The following CTNNA2 variants were observed in gnomAD, a reference collection of about 807,000 sequenced individuals.
CTNNA2 encodes catenin alpha 2.
In CTNNA2, 42 loss-of-function variants were observed where a neutral mutation model predicts 101.0. The observed-to-expected ratio is 0.42, with a 90% confidence interval of 0.32 to 0.54. The LOEUF is 0.54. Among genes scored for constraint, CTNNA2 ranks in the 20% least tolerant of loss-of-function variants. The pLI is 0.14. For synonymous variants in CTNNA2, 450 were observed against 456.4 expected (o/e 0.99, Z 0.18); for missense variants, 871 against 1,223.1 (o/e 0.71, Z 4.29).
chr2:80,263,662 C>T (rs1573543194), intron 7 of CTNNA2, among the ~76,000 whole-genome samples: 1 of 152,210 alleles, frequency 6.6e-6, no homozygotes. Flanking sequence ...AATTCAGTTC[C>T]TTAGCCACTC....
At chr2:80,178,811 C>T (rs1346469943) in intron 7 of CTNNA2, among the ~76,000 whole-genome samples, 2 of 152,230 alleles carry the variant, frequency 1.3e-5, no homozygotes, top group African/African-American at 2.4e-5. Context: ...TTGATAGGCC[C>T]CACAACACTG....
chr2:80,600,043 A>T (rs1299470714), intron 15 of CTNNA2, among the ~76,000 whole-genome samples: 1 of 151,238 alleles, frequency 6.6e-6, no homozygotes, highest in Non-Finnish European at 1.5e-5. Flanking sequence ...TATATTTTAT[A>T]GTAATACATT....
At chr2:80,332,782 G>A (rs1184347125) in intron 7 of CTNNA2, among the ~76,000 whole-genome samples, 1 of 152,094 alleles carries the variant, frequency 6.6e-6, no homozygotes, top group Non-Finnish European at 1.5e-5. Flanking sequence ...TTGGAAAAAT[G>A]TATGATAAGA....
intron 7 of CTNNA2, among the ~76,000 whole-genome samples, chr2:80,292,814 C>T (rs1031535380): frequency 6.6e-6 from 1 of 152,176 alleles, no homozygotes; most frequent in Non-Finnish European, 1.5e-5. Flanking sequence ...GCAATATAAT[C>T]GGAAGTTAAA....
At chr2:79,187,289 A>ATTTTTT (rs1673793752) in intron 1 of CTNNA2, among the ~76,000 whole-genome samples, 1 of 44,460 alleles carries the variant, frequency 2.2e-5, no homozygotes, top group Non-Finnish European at 4.0e-5. Flanking sequence ...TTTTTTTTTG[A>ATTTTTT]GACAGAGTCT....
intron 7 of CTNNA2, among the ~76,000 whole-genome samples, chr2:80,281,920 G>C (rs1488332220): frequency 6.6e-6 from 1 of 151,312 alleles, no homozygotes; most frequent in Admixed American, 6.6e-5. Context: ...TGCTAAAGTT[G>C]GAAGATAATA....
chr2:80,070,256 C>T (rs966527059), intron 7 of CTNNA2, among the ~76,000 whole-genome samples: 14 of 152,202 alleles, frequency 9.2e-5, no homozygotes, highest in African/African-American at 3.1e-4. Flanking sequence ...TTACAATAAG[C>T]GGGATGATGC....
intron 2 of CTNNA2, among the ~76,000 whole-genome samples, chr2:79,212,379 A>C (rs972891188): frequency 2.0e-5 from 3 of 152,208 alleles, no homozygotes; most frequent in Non-Finnish European, 4.4e-5. Context: ...GCGTCTATAC[A>C]GGAGCTCAAA....
intron 12 of CTNNA2, among the ~76,000 whole-genome samples, chr2:80,570,661 C>A (rs1410924614): frequency 6.6e-6 from 1 of 152,146 alleles, no homozygotes; most frequent in Non-Finnish European, 1.5e-5. Context: ...CTCAATTGCA[C>A]TCTGAGCCTC....
intron 7 of CTNNA2, among the ~76,000 whole-genome samples, chr2:80,148,659 GT>G (rs1703501720): frequency 6.6e-6 from 1 of 152,298 alleles, no homozygotes; most frequent in Admixed American, 6.5e-5. Context: ...CTGAATTTCA[GT>G]TTTATTTCTC....
At chr2:80,374,676 TGC>T (rs1393835202) in intron 7 of CTNNA2, among the ~76,000 whole-genome samples, 56 of 132,112 alleles carry the variant, frequency 4.2e-4, no homozygotes, top group African/African-American at 1.9e-3. Flanking sequence ...TCTGCGTGCG[TGC>T]GTGCGTGTGT....
chr2:79,586,536 T>TTA, intron 1 of CTNNA2, among the ~76,000 whole-genome samples: 1 of 151,654 alleles, frequency 6.6e-6, no homozygotes, highest in Non-Finnish European at 1.5e-5. Flanking sequence ...TCTTTTTTTT[T>TTA]AGCACTTTTT....
chr2:79,589,227 T>C (rs1374586850), intron 1 of CTNNA2, among the ~76,000 whole-genome samples: 1 of 152,170 alleles, frequency 6.6e-6, no homozygotes, highest in Non-Finnish European at 1.5e-5. Context: ...GCCAAGGCAG[T>C]CCACCAGAAG....
At chr2:79,332,808 C>G (rs1370509757) in intron 3 of CTNNA2, among the ~76,000 whole-genome samples, 1 of 152,094 alleles carries the variant, frequency 6.6e-6, no homozygotes, top group Non-Finnish European at 1.5e-5. Context: ...TAGTATAGAT[C>G]CTGGACTGTG....
At chr2:79,850,985 A>G (rs1024323458) in intron 3 of CTNNA2, among the ~76,000 whole-genome samples, 1 of 152,214 alleles carries the variant, frequency 6.6e-6, no homozygotes, top group Non-Finnish European at 1.5e-5. Context: ...GAACCATCCC[A>G]GAAGAAGACA....
intron 5 of CTNNA2, among the ~76,000 whole-genome samples, chr2:79,870,882 C>T (rs889517425): frequency 3.3e-5 from 5 of 152,100 alleles, no homozygotes; most frequent in Non-Finnish European, 5.9e-5. Flanking sequence ...ATAGGTCCCT[C>T]CCTCCACATG....
intron 4 of CTNNA2, among the ~76,000 whole-genome samples, chr2:79,430,449 C>A (rs1678647763): frequency 6.6e-6 from 1 of 152,010 alleles, no homozygotes; most frequent in African/African-American, 2.4e-5. Context: ...TAAGAGCAGG[C>A]AAATGTAGCT....
intron 17 of CTNNA2, chr2:80,616,592 A>G (rs1469448512): frequency 6.6e-6 from 1 of 151,296 alleles, no homozygotes; most frequent in Non-Finnish European, 1.5e-5. Flanking sequence ...TACCGTGACT[A>G]TAATAATGGA....
intron 3 of CTNNA2, among the ~76,000 whole-genome samples, chr2:79,784,134 C>G (rs944902540): frequency 1.3e-5 from 2 of 152,186 alleles, no homozygotes; most frequent in African/African-American, 4.8e-5. Context: ...CCATCACCCT[C>G]TCCCTGTTCC....
Sources: allele counts gnomAD v4.1 joint callset (sites outside exome capture counted in the v4.1 genomes callset), GRCh38; gene constraint gnomAD v4.1.1; transcripts MANE v1.5; gene names NCBI Gene and HGNC (gene_info 2026-07-23, HGNC 2026-07-21).